MARCHF1: variants seen among roughly 807,000 people sequenced by gnomAD.
The protein encoded by MARCHF1 is membrane associated ring-CH-type finger 1.
A neutral mutation model predicts 54.2 loss-of-function variants in MARCHF1; 40 were observed. The observed-to-expected ratio is 0.74, with a 90% CI of 0.57 to 0.96. MARCHF1 has a LOEUF of 0.96. MARCHF1 is among the 40% of genes least tolerant of loss of function. The pLI is 0.00. For synonymous variants in MARCHF1, 236 were observed against 236.3 expected (o/e 1.00, Z 0.01); for missense variants, 586 against 656.5 (o/e 0.89, Z 1.17).
chr4:163,660,114 T>C (rs767224738), intron 5 of MARCHF1, among the ~76,000 whole-genome samples: 1 of 152,118 alleles, frequency 6.6e-6, no homozygotes, highest in South Asian at 2.1e-4. Flanking sequence ...GTACGTTTAC[T>C]GCAACACTAT....
At chr4:163,756,497 G>A (rs1746672443) in intron 4 of MARCHF1, among the ~76,000 whole-genome samples, 1 of 151,682 alleles carries the variant, frequency 6.6e-6, no homozygotes. Context: ...GCTGGGCGTG[G>A]TGGCACGTGC....
intron 3 of MARCHF1, among the ~76,000 whole-genome samples, chr4:163,927,437 ATG>A (rs935367211): frequency 2.0e-5 from 3 of 151,814 alleles, no homozygotes; most frequent in African/African-American, 7.2e-5. Context: ...AAACACTTTC[ATG>A]TGAGGAAAAA....
chr4:163,594,744 T>A (rs1368571682), intron 7 of MARCHF1, among the ~76,000 whole-genome samples: 4 of 128,154 alleles, frequency 3.1e-5, no homozygotes, highest in Non-Finnish European at 6.4e-5. Context: ...TCAGAATGGC[T>A]ATTATCAAAA....
chr4:163,978,702 G>A (rs10008648), intron 3 of MARCHF1, among the ~76,000 whole-genome samples: 17,447 of 151,656 alleles, frequency 0.12, 2,313 homozygotes, highest in East Asian at 0.34. Context: ...ATTTTTTGTT[G>A]TATTTTTTAC....
chr4:163,836,272 G>A (rs951543397), intron 4 of MARCHF1, among the ~76,000 whole-genome samples: 10 of 150,098 alleles, frequency 6.7e-5, no homozygotes, highest in Middle Eastern at 3.4e-3. Flanking sequence ...TAGAGATGGA[G>A]TCTCGCTCTA....
intron 3 of MARCHF1, among the ~76,000 whole-genome samples, chr4:163,892,530 G>C (rs1174078318): frequency 6.7e-6 from 1 of 148,352 alleles, no homozygotes; most frequent in Non-Finnish European, 1.5e-5. Context: ...CAAAAATACA[G>C]ATATAATATG....
At chr4:164,134,661 G>GAT (rs1756365638) in intron 1 of MARCHF1, among the ~76,000 whole-genome samples, 1 of 152,024 alleles carries the variant, frequency 6.6e-6, no homozygotes, top group South Asian at 2.1e-4. Context: ...AGACATGACT[G>GAT]ATAACATTTG....
intron 1 of MARCHF1, among the ~76,000 whole-genome samples, chr4:164,247,504 G>T (rs1398046311): frequency 6.6e-5 from 10 of 151,460 alleles, no homozygotes; most frequent in Non-Finnish European, 1.5e-5. Context: ...TATACCTAAT[G>T]CTAGATGACG....
rs1486330532 is a variant in MARCHF1 at position 163,993,136 on chromosome 4, A to G, written c.-247-4427T>C. On this transcript the variant is annotated intron_variant, in intron 2 of 9. Coordinates refer to ENST00000514618, the MANE Select transcript of MARCHF1 (RefSeq NM_001394959.1). ...TTATGAAGCATACACTTATGTATTAATTGGAGAGTTAGGGAACAACCCATG... is the reference window on the plus strand; with the variant it reads ...TTATGAAGCATACACTTATGTATTAGTTGGAGAGTTAGGGAACAACCCATG... Among the ~76,000 whole-genome samples, 4 of 152,158 alleles carry G rather than the reference A, an allele frequency of 2.6e-5. No individual in the cohort carries two copies. In the East Asian group the frequency reaches 5.8e-4, roughly 22 times the overall value.
At chr4:164,025,571 C>T (rs77127700) in intron 2 of MARCHF1, among the ~76,000 whole-genome samples, 1,568 of 151,802 alleles carry the variant, frequency 0.01, 24 homozygotes, top group African/African-American at 0.035. Flanking sequence ...ATTTCTGGGA[C>T]GCAGATTAAG....
chr4:163,745,060 T>C (rs1464755382), intron 4 of MARCHF1, among the ~76,000 whole-genome samples: 1 of 151,958 alleles, frequency 6.6e-6, no homozygotes, highest in South Asian at 2.1e-4. Flanking sequence ...AGTGAAACTT[T>C]TCATAAGAGA....
chr4:163,793,437 C>T (rs973809920), intron 4 of MARCHF1, among the ~76,000 whole-genome samples: 4 of 152,140 alleles, frequency 2.6e-5, no homozygotes, highest in African/African-American at 9.7e-5. Context: ...TGAGATTTTC[C>T]TTACCCTCCC....
At chr4:163,818,188 T>C (rs905177588) in intron 4 of MARCHF1, among the ~76,000 whole-genome samples, 12 of 152,168 alleles carry the variant, frequency 7.9e-5, no homozygotes, top group African/African-American at 2.9e-4. Flanking sequence ...CTAGGTTGCT[T>C]CATTTACTAA....
intron 8 of MARCHF1, among the ~76,000 whole-genome samples, chr4:163,547,065 A>T (rs1437866192): frequency 1.3e-5 from 2 of 152,104 alleles, no homozygotes; most frequent in Non-Finnish European, 2.9e-5. Context: ...ACTTCAGAAG[A>T]CCCCATTCCT....
At chr4:164,063,686 T>A (rs1754668081) in intron 2 of MARCHF1, among the ~76,000 whole-genome samples, 2 of 152,228 alleles carry the variant, frequency 1.3e-5, no homozygotes, top group South Asian at 4.1e-4. Context: ...TGTGCTTGAA[T>A]TTTTTAGCAT....
At chr4:163,758,258 A>G (rs1746734091) in intron 4 of MARCHF1, among the ~76,000 whole-genome samples, 1 of 152,152 alleles carries the variant, frequency 6.6e-6, no homozygotes, top group Non-Finnish European at 1.5e-5. Context: ...TGATAATTCC[A>G]AAAAGTTACA....
At chr4:164,206,877 C>A (rs1731620784) in intron 1 of MARCHF1, among the ~76,000 whole-genome samples, 1 of 151,818 alleles carries the variant, frequency 6.6e-6, no homozygotes, top group East Asian at 1.9e-4. Context: ...GGAAAAAACT[C>A]TGTAAACAGT....
chr4:164,156,389 G>T (rs553362254), intron 1 of MARCHF1, among the ~76,000 whole-genome samples: 1 of 152,114 alleles, frequency 6.6e-6, no homozygotes, highest in South Asian at 2.1e-4. Flanking sequence ...AGTCCATAGA[G>T]AAATGGGGAA....
intron 3 of MARCHF1, among the ~76,000 whole-genome samples, chr4:163,881,177 T>G (rs1050673551): frequency 3.3e-5 from 5 of 152,066 alleles, no homozygotes; most frequent in Admixed American, 6.6e-5. Flanking sequence ...GTACAGAGAA[T>G]AAAATTATCC....
Sources: allele counts gnomAD v4.1 joint callset (sites outside exome capture counted in the v4.1 genomes callset), GRCh38; gene constraint gnomAD v4.1.1; transcripts MANE v1.5; gene names NCBI Gene and HGNC (gene_info 2026-07-23, HGNC 2026-07-21).